The following BMP1 variants were observed in gnomAD, a reference collection of about 807,000 sequenced individuals.
The protein encoded by BMP1 is mammalian tolloid protein.
BMP1 carries 63 observed loss-of-function variants against 116.8 expected under a neutral mutation model. That is an observed-to-expected ratio of 0.54 (90% CI 0.44 to 0.67). BMP1 has a LOEUF of 0.67. Among genes scored for constraint, BMP1 ranks in the 30% least tolerant of loss-of-function variants. The pLI is 0.00. For missense variants in BMP1, 1,183 were observed against 1,358.9 expected (o/e 0.87, Z 2.04); for synonymous variants, 536 against 533.4 (o/e 1.00, Z -0.07).
In BMP1 at chr8:22,165,460, C is replaced by T; in HGVS notation, c.55C>T (p.Pro19Ser). ...GCTCGGGCTGCTGCTGCTCCCGCGTCCCGGCCGGCCGCTGGACTTGGCCGA... is the reference window on the plus strand; with the variant it reads ...GCTCGGGCTGCTGCTGCTCCCGCGTTCCGGCCGGCCGCTGGACTTGGCCGA... ...LLLGLLLLPRPGRPLDLADYT... is the reference protein window; with the variant it reads ...LLLGLLLLPRSGRPLDLADYT... The change falls in exon 1 of 20, where the codon CCC (proline) becomes TCC (serine). Residue 19 changes from proline (P) to serine (S), a missense_variant. Physicochemically the swap from Pro to Ser is moderately conservative, Grantham distance 74 (BLOSUM62 -1). Coordinates refer to ENST00000306385, the MANE Select transcript of BMP1 (RefSeq NM_006129.5). 1 of 1,580,890 alleles carries T rather than the reference C, an allele frequency of 6.3e-7. No homozygotes were observed. Among genetic ancestry groups the T allele is most frequent in the Non-Finnish European group, 8.6e-7 (1 of 1,167,436 alleles).
At chr8:22,187,949 T>G (rs973150026) in intron 8 of BMP1, among the ~76,000 whole-genome samples, 3 of 152,082 alleles carry the variant, frequency 2.0e-5, no homozygotes, top group East Asian at 3.9e-4. Flanking sequence ...CTAAAGATCA[T>G]GCGGCAAGGT....
chr8:22,175,760 AC>A (rs1828411755), intron 2 of BMP1, among the ~76,000 whole-genome samples: 1 of 152,212 alleles, frequency 6.6e-6, no homozygotes, highest in South Asian at 2.1e-4. Context: ...ACCAGAGAGC[AC>A]TTCAGCATTA....
intron 15 of BMP1, among the ~76,000 whole-genome samples, chr8:22,200,777 A>G (rs1829237153): frequency 6.6e-6 from 1 of 151,894 alleles, no homozygotes. Flanking sequence ...AGCCCTTCCC[A>G]AGTACTGTTC....
chr8:22,188,373 T>C (rs538859099), intron 8 of BMP1, among the ~76,000 whole-genome samples: 24 of 152,264 alleles, frequency 1.6e-4, no homozygotes, highest in Non-Finnish European at 2.9e-4. Flanking sequence ...TCTCACTGTA[T>C]TGCTCAGGCT....
chr8:22,208,957 C>T (rs1049233572), intron 18 of BMP1, among the ~76,000 whole-genome samples: 4 of 152,228 alleles, frequency 2.6e-5, no homozygotes, highest in East Asian at 1.9e-4. Flanking sequence ...GGTCACAAAC[C>T]GGAGGCCCGG....
chr8:22,177,275 G>A, intron 5 of BMP1, 136 bp downstream of exon 5: 1 of 946,668 alleles, frequency 1.1e-6, no homozygotes, highest in Non-Finnish European at 1.6e-6. Context: ...CACAGCCTGG[G>A]TTGAGCCAGC....
At chr8:22,165,682 C>CA in intron 1 of BMP1, 129 bp downstream of exon 1, 1 of 780,990 alleles carries the variant, frequency 1.3e-6, no homozygotes, top group Non-Finnish European at 1.8e-6. Flanking sequence ...CAGTGGGGAA[C>CA]AAAAGAACGA....
chr8:22,180,543 A>C (rs1436602857), intron 8 of BMP1, 60 bp downstream of exon 8: 3 of 1,474,410 alleles, frequency 2.0e-6, no homozygotes, highest in Non-Finnish European at 2.8e-6. Context: ...TACCTCAGGG[A>C]CTTCTCCCAC....
intron 15 of BMP1, among the ~76,000 whole-genome samples, chr8:22,197,936 G>A (rs567737645): frequency 1.3e-4 from 20 of 152,300 alleles, no homozygotes; most frequent in African/African-American, 4.8e-4. Context: ...TGTAATCCCA[G>A]CACTCAGGAA....
intron 8 of BMP1, among the ~76,000 whole-genome samples, chr8:22,190,130 G>A (rs1828888542): frequency 6.6e-6 from 1 of 151,962 alleles, no homozygotes; most frequent in East Asian, 1.9e-4. Context: ...TCACCATGTT[G>A]GCCAGGCTGG....
rs1586463114 is a variant in BMP1, at chr8:22,196,400, C to T, written c.1766-280C>T. 8.4e-6 allele frequency: 5 copies of T among 598,704 alleles called. No homozygotes were observed. The East Asian group carries it at 1.5e-4, about 18-fold the overall frequency. 37.1% of individuals were successfully genotyped at this position (598,704 alleles called of 1,614,324 possible). A position where few individuals can be genotyped will look rare whatever the true frequency, so the allele number is the denominator to read the frequency against. ...CCTGAGCCCCTTATTCCCGCTCACT[C>T]CCTCTTGGAGGACCTTGGCCTGTTC... On this transcript the variant is annotated intron_variant, in intron 13 of 19. Transcript: ENST00000306385.
intron 1 of BMP1, among the ~76,000 whole-genome samples, chr8:22,172,055 A>G (rs1450281111): frequency 2.0e-5 from 3 of 152,128 alleles, no homozygotes; most frequent in South Asian, 2.1e-4. Context: ...TCTGTATGTG[A>G]TGAAGTCAGT....
intron 14 of BMP1, 107 bp downstream of exon 14, chr8:22,196,947 T>C (rs1829110923): frequency 1.5e-6 from 2 of 1,379,034 alleles, no homozygotes; most frequent in South Asian, 1.4e-5. Context: ...AGAAACACTC[T>C]GCAAATATCG....
At chr8:22,172,281 A>G (rs1828302153) in intron 1 of BMP1, among the ~76,000 whole-genome samples, 3 of 152,168 alleles carry the variant, frequency 2.0e-5, no homozygotes, top group South Asian at 4.1e-4. Context: ...CCAGCTCAGC[A>G]TGCAGCTCCC....
intron 4 of BMP1, 104 bp downstream of exon 4, chr8:22,176,754 T>G: frequency 7.7e-7 from 1 of 1,295,450 alleles, no homozygotes. Flanking sequence ...TTGGGTCCCT[T>G]TATCCCCTCC....
chr8:22,171,817 G>A (rs1018090793), intron 1 of BMP1: 3 of 152,210 alleles, frequency 2.0e-5, no homozygotes, highest in Non-Finnish European at 4.4e-5. Context: ...TGTTGATCCT[G>A]TCTAGGTGAG....
chr8:22,186,486 G>A (rs1438559712), intron 8 of BMP1, among the ~76,000 whole-genome samples: 2 of 152,078 alleles, frequency 1.3e-5, no homozygotes, highest in Non-Finnish European at 2.9e-5. Flanking sequence ...ATATTTTTTT[G>A]AGATGGAGTC....
Position 22,201,884 on chromosome 8 carries a change from G to A in BMP1, c.2189G>A (p.Arg730His), listed in dbSNP as rs374344275. 2.4e-5 allele frequency: 39 copies of A among 1,613,546 alleles called. No homozygotes were observed. Among genetic ancestry groups the A allele is most frequent in the East Asian group, 4.5e-5 (2 of 44,878 alleles). Residue 730 changes from arginine to histidine, a missense_variant, in exon 16 of 20, where the codon CGC (arginine) becomes CAC (histidine). This residue lies in a region of BMP1 where 956 missense variants were observed against 1,135.2 expected (regional missense o/e 0.84). Transcript: ENST00000306385. ...NTFGSYECQCRSGFVLHDNKH... is the reference protein window; with the variant it reads ...NTFGSYECQCHSGFVLHDNKH... ...TTCGGCAGTTATGAGTGCCAATGCC[G>A]CAGTGGCTTCGTCCTCCATGACAAC...
At chr8:22,205,202 G>A (rs1023416565) in intron 16 of BMP1, among the ~76,000 whole-genome samples, 5 of 152,164 alleles carry the variant, frequency 3.3e-5, no homozygotes, top group African/African-American at 1.2e-4. Context: ...CTGACACAGT[G>A]GCTTGAGGAG....
Sources: allele counts gnomAD v4.1 joint callset (sites outside exome capture counted in the v4.1 genomes callset), GRCh38; gene constraint gnomAD v4.1.1; regional missense constraint gnomAD v4.1.1; transcripts MANE v1.5; gene names NCBI Gene and HGNC (gene_info 2026-07-23, HGNC 2026-07-21).